Variants in DLGAP2 observed in about 807,000 individuals in gnomAD.
DLGAP2 encodes disks large-associated protein 2.
Under a neutral mutation model 100.3 loss-of-function variants are expected in DLGAP2, and 26 were observed. That is an observed-to-expected ratio of 0.26 (90% CI 0.19 to 0.36). The LOEUF (loss-of-function observed/expected upper bound fraction) is 0.36. Among genes scored for constraint, DLGAP2 ranks in the 10% least tolerant of loss-of-function variants. The pLI, the probability that DLGAP2 is intolerant of heterozygous loss-of-function variation, is 1.00. For missense variants in DLGAP2, 1,858 were observed against 1,453.2 expected (o/e 1.28, Z -4.53); for synonymous variants, 886 against 630.1 (o/e 1.41, Z -6.08).
intron 2 of DLGAP2, among the ~76,000 whole-genome samples, chr8:1,024,196 C>T (rs1216168086): frequency 8.8e-6 from 1 of 113,054 alleles, no homozygotes; most frequent in African/African-American, 2.7e-5. Context: ...AGTTCCGTGC[C>T]GAGGTAGACA....
At chr8:1,264,111 T>C (rs934361411) in intron 3 of DLGAP2, among the ~76,000 whole-genome samples, 2 of 152,046 alleles carry the variant, frequency 1.3e-5, no homozygotes, top group East Asian at 3.9e-4. Flanking sequence ...ATAAATAAAA[T>C]GCTGTACAAT....
intron 3 of DLGAP2, among the ~76,000 whole-genome samples, chr8:1,295,069 C>T (rs934741895): frequency 6.6e-6 from 1 of 152,054 alleles, no homozygotes; most frequent in Admixed American, 6.6e-5. Context: ...TTTTAAAAGG[C>T]AAACAGCAAA....
intron 2 of DLGAP2, among the ~76,000 whole-genome samples, chr8:1,117,243 G>A (rs1805146004): frequency 6.6e-6 from 1 of 152,208 alleles, no homozygotes; most frequent in Non-Finnish European, 1.5e-5. Context: ...AGTGCCTCGG[G>A]GCTGTGCCCT....
At chr8:1,329,220 G>A (rs1801093541) in intron 3 of DLGAP2, among the ~76,000 whole-genome samples, 1 of 152,236 alleles carries the variant, frequency 6.6e-6, no homozygotes, top group Non-Finnish European at 1.5e-5. Flanking sequence ...ATGTCTTTTA[G>A]TCAGTCTTTA....
rs1157933698 is a variant in DLGAP2, at chr8:1,577,979, G to T, written c.1442+12085G>T. 3.3e-5 allele frequency among the ~76,000 whole-genome samples: 5 copies of T among 152,340 alleles called. No individual in the cohort carries two copies. In the East Asian group the frequency reaches 9.6e-4, roughly 29 times the overall value. ...CATTAATGTAATCTGATAACGTTTT[G>T]TTGGTAAATTACGTAGACACTCTTA... On this transcript the variant is annotated intron_variant, in intron 6 of 14. Coordinates refer to ENST00000637795, the MANE Select transcript of DLGAP2 (RefSeq NM_001346810.2).
At chr8:1,522,558 GT>G (rs1800643417) in intron 4 of DLGAP2, among the ~76,000 whole-genome samples, 1 of 152,176 alleles carries the variant, frequency 6.6e-6, no homozygotes, top group African/African-American at 2.4e-5. Flanking sequence ...ACTTCCTTAC[GT>G]CTTGGTTTTC....
chr8:835,985 A>G (rs1310076448), intron 1 of DLGAP2, among the ~76,000 whole-genome samples: 1 of 152,208 alleles, frequency 6.6e-6, no homozygotes, highest in Non-Finnish European at 1.5e-5. Context: ...GGTGTAAGAC[A>G]CGTTCCTTCC....
At position 1,678,533 on chromosome 8, in the gene DLGAP2, T is replaced by C. The variant is rs184555500; in HGVS notation, c.2608T>C (p.Trp870Arg). The C allele has an allele frequency of 1.9e-6, 3 of 1,601,796 alleles. No homozygotes were observed. Among genetic ancestry groups the C allele is most frequent in the East Asian group, 2.3e-5 (1 of 44,312 alleles). Residue 870 changes from tryptophan (W) to arginine (R), a missense_variant, in exon 12 of 15, where the codon TGG (tryptophan) becomes CGG (arginine). By Grantham distance (101) the Trp-to-Arg change is moderately radical (BLOSUM62 -3). Coordinates refer to ENST00000637795, the MANE Select transcript of DLGAP2 (RefSeq NM_001346810.2). ...GTCTCCGTGCCGCAGGGATGGCTCG[T>C]GGTTTTTGAAGCTGCTGCACGCAGA... is the stretch of plus-strand genomic sequence containing the variant. Reference protein sequence around the residue: ...RMSPCRRDGSWFLKLLHAETK... With the variant: ...RMSPCRRDGSRFLKLLHAETK...
intron 2 of DLGAP2, among the ~76,000 whole-genome samples, chr8:1,024,087 C>A (rs550793241): frequency 6.6e-6 from 1 of 152,132 alleles, no homozygotes; most frequent in South Asian, 2.1e-4. Context: ...CAGGACGAGG[C>A]CTCCGGCTTG....
intron 2 of DLGAP2, among the ~76,000 whole-genome samples, chr8:944,593 G>A (rs920876056): frequency 3.9e-5 from 6 of 151,964 alleles, no homozygotes; most frequent in African/African-American, 1.2e-4. Context: ...AGGTGACTCA[G>A]TGGGTGGTAG....
intron 2 of DLGAP2, among the ~76,000 whole-genome samples, chr8:1,167,686 C>T (rs1222397145): frequency 6.6e-6 from 1 of 152,132 alleles, no homozygotes; most frequent in Non-Finnish European, 1.5e-5. Flanking sequence ...ATGGAATATT[C>T]TTGGTTTATG....
intron 2 of DLGAP2, among the ~76,000 whole-genome samples, chr8:1,243,066 G>C (rs1253718907): frequency 6.6e-6 from 1 of 152,138 alleles, no homozygotes; most frequent in South Asian, 2.1e-4. Flanking sequence ...TTGTTTTCAC[G>C]TCCCCATGTT....
At chr8:763,538 GA>G (rs1268064274) in intron 1 of DLGAP2, among the ~76,000 whole-genome samples, 3 of 152,180 alleles carry the variant, frequency 2.0e-5, no homozygotes, top group East Asian at 1.9e-4. Context: ...GAATTTGCTC[GA>G]AAGGGTCTGT....
rs552762375 is a variant in DLGAP2, at chr8:1,196,495, A to G, written c.74-62356A>G. 5.9e-5 allele frequency among the ~76,000 whole-genome samples: 9 copies of G among 152,280 alleles called. No individual in the cohort carries two copies. The South Asian group carries it at 1.7e-3, about 28-fold the overall frequency. Reference sequence around the variant, plus strand: ...ATATTCGTGCTTTCCTCACGTTTCAAGCCTGAGCTGGAACAAGTCGTCTGT... The same window carrying G: ...ATATTCGTGCTTTCCTCACGTTTCAGGCCTGAGCTGGAACAAGTCGTCTGT... On this transcript the variant is annotated intron_variant, in intron 2 of 14. Transcript: ENST00000637795.
chr8:1,211,376 A>G (rs1798101152), intron 2 of DLGAP2, among the ~76,000 whole-genome samples: 1 of 152,248 alleles, frequency 6.6e-6, no homozygotes. Flanking sequence ...TCCATCAGAT[A>G]GATGCACAGA....
chr8:1,275,677 A>G (rs1325588793), intron 3 of DLGAP2, among the ~76,000 whole-genome samples: 3 of 145,930 alleles, frequency 2.1e-5, no homozygotes, highest in Non-Finnish European at 4.5e-5. Flanking sequence ...TTGTCCCTGT[A>G]TGAGTCATGG....
At chr8:884,934 A>G (rs1797892504) in intron 1 of DLGAP2, among the ~76,000 whole-genome samples, 2 of 152,142 alleles carry the variant, frequency 1.3e-5, no homozygotes, top group African/African-American at 2.4e-5. Context: ...TGAAGACCAG[A>G]TGGTTGTAGA....
rs1019822809 is a variant in DLGAP2 at position 974,356 on chromosome 8, G to T, written c.73+66390G>T. Among the ~76,000 whole-genome samples the T allele has an allele frequency of 2.6e-5, 4 of 152,248 alleles. 1 individual carries two copies. In the South Asian group the frequency reaches 8.3e-4, roughly 32 times the overall value. On this transcript the variant is annotated intron_variant, in intron 2 of 14. Coordinates refer to ENST00000637795, the MANE Select transcript of DLGAP2 (RefSeq NM_001346810.2). ...AAACCATGCAAGCAGGAAAAAAGTTGATTCAAATATTTAAAGTGTTGAAAG... is the reference window on the plus strand; with the variant it reads ...AAACCATGCAAGCAGGAAAAAAGTTTATTCAAATATTTAAAGTGTTGAAAG...
chr8:751,246 C>A (rs1156697389), intron 1 of DLGAP2, among the ~76,000 whole-genome samples: 1 of 79,812 alleles, frequency 1.3e-5, no homozygotes, highest in Admixed American at 1.3e-4. Flanking sequence ...CGGGAAGGAG[C>A]ATTTTCCTGG....
Sources: gnomAD v4.1 joint callset for allele counts (sites outside exome capture counted in the v4.1 genomes callset) on GRCh38, gnomAD v4.1.1 for gene constraint, MANE v1.5 for transcripts, NCBI Gene and HGNC (gene_info 2026-07-23, HGNC 2026-07-21) for gene names.